Variants in MCM9 observed in about 807,000 individuals in gnomAD.
The protein encoded by MCM9 is DNA helicase MCM9.
In MCM9, 55 loss-of-function variants were observed where a neutral mutation model predicts 72.8. That is an observed-to-expected ratio of 0.76 (90% confidence interval 0.61 to 0.95). The LOEUF (loss-of-function observed/expected upper bound fraction) is 0.95. MCM9 is among the 40% of genes least tolerant of loss of function. The pLI is 0.00. For synonymous variants in MCM9, 480 were observed against 503.4 expected, an observed-to-expected ratio of 0.95 and a Z score of 0.62; for missense variants, 1,279 against 1,377.0, an observed-to-expected ratio of 0.93 and a Z score of 1.13.
At chr6:118,900,905 G>A in intron 8 of MCM9, 1 of 1,456,368 alleles carries the variant, frequency 6.9e-7, no homozygotes, top group African/African-American at 1.4e-5. Flanking sequence ...TGGTAAATGT[G>A]TATGCCAAAT....
At chr6:118,868,965 G>A (rs142083088) in intron 8 of MCM9, among the ~76,000 whole-genome samples, 58 of 152,268 alleles carry the variant, frequency 3.8e-4, no homozygotes, top group African/African-American at 1.4e-3. Context: ...ATACACACAC[G>A]TATGTTTATG....
At chr6:118,871,733 G>T (rs1049877274) in intron 8 of MCM9, among the ~76,000 whole-genome samples, 4 of 151,736 alleles carry the variant, frequency 2.6e-5, no homozygotes, top group Non-Finnish European at 4.4e-5. Flanking sequence ...TGGCTAACAT[G>T]GTGAAACCCC....
Position 118,815,023 on chromosome 6 carries a change from C to G in MCM9, c.3233G>C (p.Arg1078Thr). ...TGGGCCTCTCTCACCTCGGTTCTTC[C>G]TTTCAGGAGGAGGGGATTTTGATTT... ...ESKSKSPPPE[R>T]KNRGERGPSS... is the part of the protein sequence containing the mutation. The change falls in exon 14 of 14, where the codon AGG becomes ACG. Residue 1078 changes from arginine (R) to threonine (T), a missense_variant. Arg to Thr is a moderately conservative substitution (Grantham distance 71, BLOSUM62 -1). Coordinates refer to ENST00000619706, the MANE Select transcript of MCM9 (RefSeq NM_017696.3). The G allele has an allele frequency of 6.5e-7, 1 of 1,550,180 alleles. No homozygotes were observed. The highest frequency in any genetic ancestry group is 8.7e-7 in the Non-Finnish European group (1 of 1,146,702).
chr6:118,918,248 A>G (rs1781125072), intron 5 of MCM9: 1 of 155,144 alleles, frequency 6.4e-6, no homozygotes, highest in Non-Finnish European at 1.4e-5. Flanking sequence ...ATTTTTACTT[A>G]ACTCATTTGC....
Position 118,917,675 on chromosome 6 carries a change from T to G in MCM9, c.790A>C (p.Lys264Gln), listed in dbSNP as rs1174482921. 15 of 1,614,044 alleles carry G rather than the reference T, an allele frequency of 9.3e-6. No individual in the cohort carries two copies. The highest frequency in any genetic ancestry group is 1.3e-5 in the Non-Finnish European group (15 of 1,180,022). The stretch of plus-strand genomic sequence containing the variant: ...TTATTTACTTGGATGTAATTTGCTT[T>G]CAGGACTATCTCCACTTCACAGCGC... ...DVRCEVEIVL[K>Q]ANYIQVNNEQ... Residue 264 changes from lysine (K) to glutamine (Q), a missense_variant, in exon 6 of 14, where the codon AAA (lysine) becomes CAA (glutamine). Coordinates refer to ENST00000619706, the MANE Select transcript of MCM9 (RefSeq NM_017696.3).
chr6:118,865,357 C>T (rs1014032556), intron 8 of MCM9, among the ~76,000 whole-genome samples: 3 of 152,110 alleles, frequency 2.0e-5, no homozygotes, highest in Non-Finnish European at 4.4e-5. Flanking sequence ...TTTATAGCAC[C>T]TCCCTAAATA....
chr6:118,928,094 C>T (rs1490733199), intron 3 of MCM9, among the ~76,000 whole-genome samples: 4 of 152,176 alleles, frequency 2.6e-5, no homozygotes, highest in Non-Finnish European at 5.9e-5. Context: ...AATGCCCACA[C>T]TAAGAAGCAA....
intron 9 of MCM9, among the ~76,000 whole-genome samples, chr6:118,852,146 C>T (rs1044443601): frequency 6.6e-6 from 1 of 152,080 alleles, no homozygotes; most frequent in African/African-American, 2.4e-5. Context: ...AACTGTAACA[C>T]AAAGGCATGT....
rs370265605 is a variant in MCM9 at position 118,849,431 on chromosome 6, TTGTGTGTGTG to T, written c.1325+6930_1325+6939del. On this transcript the variant is annotated intron_variant, in intron 9 of 13. Coordinates refer to ENST00000619706, the MANE Select transcript of MCM9 (RefSeq NM_017696.3). ...AATAACATCATTTATAAGGTACAGT[TTGTGTGTGTG>T]TGTGTGTGTGTGTATAATATATATA... 3.4e-5 allele frequency among the ~76,000 whole-genome samples: 5 copies of T among 148,846 alleles called. 1 individual carries two copies. The highest frequency in any genetic ancestry group is 1.2e-4 in the African/African-American group (5 of 40,076).
At chr6:118,891,588 T>C (rs1194336943) in intron 8 of MCM9, among the ~76,000 whole-genome samples, 1 of 152,102 alleles carries the variant, frequency 6.6e-6, no homozygotes, top group Non-Finnish European at 1.5e-5. Context: ...TCTCTGTAAA[T>C]CTAAATTTCC....
At chr6:118,909,636 A>G (rs1261631839) in intron 8 of MCM9, among the ~76,000 whole-genome samples, 1 of 152,214 alleles carries the variant, frequency 6.6e-6, no homozygotes, top group East Asian at 1.9e-4. Flanking sequence ...TAAGGGTATT[A>G]TTTGGGCTGA....
intron 8 of MCM9, among the ~76,000 whole-genome samples, chr6:118,877,524 T>C (rs940125266): frequency 6.6e-6 from 1 of 152,206 alleles, no homozygotes; most frequent in African/African-American, 2.4e-5. Flanking sequence ...TATGGTTAAG[T>C]ATTTAAAAAT....
Position 118,917,703 on chromosome 6 carries a change from A to G in MCM9, c.762T>C (p.Asp254=). The change falls in exon 6 of 14, where the codon GAT becomes GAC. Residue 254 remains aspartate (D), a synonymous_variant. Transcript: ENST00000619706. ...VMQRWKPFQQ[D]VRCEVEIVLK... ...GGACTATCTCCACTTCACAGCGCAC[A>G]TCTTGCTGAAAGGGCTTCCACCGTT... 1 of 1,614,098 alleles carries G rather than the reference A, an allele frequency of 6.2e-7. No homozygotes were observed. Among genetic ancestry groups the G allele is most frequent in the Non-Finnish European group, 8.5e-7 (1 of 1,180,006 alleles).
At chr6:118,894,121 C>G (rs1436119027) in intron 8 of MCM9, 17 of 1,181,074 alleles carry the variant, frequency 1.4e-5, no homozygotes, top group Non-Finnish European at 1.8e-5. Flanking sequence ...ATCTTGCTGG[C>G]TGCCGAGGCC....
rs553489599 is a variant in MCM9 at position 118,820,334 on chromosome 6, T to C, written c.1962-4040A>G. Among the ~76,000 whole-genome samples the C allele has an allele frequency of 2.7e-4, 41 of 152,316 alleles. No homozygotes were observed. The South Asian group carries it at 5.2e-3, about 19-fold the overall frequency. On this transcript the variant is annotated intron_variant, in intron 13 of 13. Transcript: ENST00000619706. ...CTGGTATGTTTTGTCTTTGTTTTCA[T>C]TGGTTTCAAAGAACTTATTTATTTC... is the stretch of plus-strand genomic sequence containing the variant.
chr6:118,869,258 C>G (rs891320383), intron 8 of MCM9, among the ~76,000 whole-genome samples: 4 of 151,956 alleles, frequency 2.6e-5, no homozygotes, highest in Non-Finnish European at 5.9e-5. Flanking sequence ...CTGGGCCTAT[C>G]TGGGGGTGGG....
At chr6:118,886,868 C>A (rs185377435) in intron 8 of MCM9, among the ~76,000 whole-genome samples, 1 of 152,034 alleles carries the variant, frequency 6.6e-6, no homozygotes, top group Admixed American at 6.6e-5. Context: ...TGGAGGCTGA[C>A]GTTGGGGGAT....
chr6:118,885,553 C>T (rs561801087), intron 8 of MCM9, among the ~76,000 whole-genome samples: 2 of 151,996 alleles, frequency 1.3e-5, no homozygotes, highest in South Asian at 4.1e-4. Flanking sequence ...TTACATCAAC[C>T]AATTAAGTAA....
rs1049623225 is a variant in MCM9, at chr6:118,934,894, C to G, written c.-153G>C. 6.6e-6 allele frequency: 1 copy of G among 152,282 alleles called. No individual in the cohort carries two copies. The highest frequency in any genetic ancestry group is 1.5e-5 in the Non-Finnish European group (1 of 68,078). 9.4% of individuals were successfully genotyped at this position (152,282 alleles called of 1,614,324 possible). ...GGAGGAGGCGGCTATCACTTACTGG[C>G]TGTGTCAGAAGTCGCCGGGAACGCG... On this transcript the variant is annotated 5_prime_UTR_variant, in exon 1 of 14. Transcript: ENST00000619706.
Sources: gnomAD v4.1 joint callset for allele counts (sites outside exome capture counted in the v4.1 genomes callset) on GRCh38, gnomAD v4.1.1 for gene constraint, MANE v1.5 for transcripts, NCBI Gene and HGNC (gene_info 2026-07-23, HGNC 2026-07-21) for gene names.